Variants in KCNH7 observed in about 807,000 individuals in gnomAD.
The protein encoded by KCNH7 is potassium voltage-gated channel subfamily H member 7.
In KCNH7, 49 loss-of-function variants were observed where a neutral mutation model predicts 120.8. The observed-to-expected ratio is 0.41, with a 90% CI of 0.32 to 0.51. The LOEUF (loss-of-function observed/expected upper bound fraction) is 0.51. KCNH7 is among the 20% of genes least tolerant of loss of function. KCNH7 has a pLI of 0.38. For missense variants in KCNH7, 1,097 were observed against 1,446.6 expected (o/e 0.76, Z 3.92); for synonymous variants, 547 against 516.1 (o/e 1.06, Z -0.81).
chr2:162,489,813 C>G (rs984106963), intron 6 of KCNH7, among the ~76,000 whole-genome samples: 1 of 152,080 alleles, frequency 6.6e-6, no homozygotes, highest in African/African-American at 2.4e-5. Context: ...TTTGCTGAAC[C>G]AAGCTTGCTG....
At chr2:162,508,409 A>G (rs147618729) in intron 5 of KCNH7, among the ~76,000 whole-genome samples, 308 of 151,496 alleles carry the variant, frequency 2.0e-3, no homozygotes, top group African/African-American at 7.2e-3. Context: ...CAAAACTTAA[A>G]ATATTACTTA....
intron 13 of KCNH7, 88 bp downstream of exon 13, chr2:162,384,598 CAT>C (rs1309375862): frequency 4.6e-5 from 55 of 1,195,540 alleles, no homozygotes; most frequent in Non-Finnish European, 5.7e-5. Context: ...ATTAGATTAA[CAT>C]GTGTCAGTAC....
At chr2:162,634,274 T>C (rs1683871010) in intron 2 of KCNH7, among the ~76,000 whole-genome samples, 2 of 152,172 alleles carry the variant, frequency 1.3e-5, no homozygotes, top group Admixed American at 1.3e-4. Context: ...TATGAAAATA[T>C]AGGTAACACA....
chr2:162,695,330 G>C (rs1487034132), intron 2 of KCNH7, among the ~76,000 whole-genome samples: 1 of 152,078 alleles, frequency 6.6e-6, no homozygotes, highest in Non-Finnish European at 1.5e-5. Context: ...AGGGAGGGTG[G>C]TGATGGTTGC....
intron 2 of KCNH7, among the ~76,000 whole-genome samples, chr2:162,618,755 G>A (rs1018248251): frequency 9.2e-5 from 14 of 152,094 alleles, no homozygotes; most frequent in African/African-American, 3.4e-4. Flanking sequence ...AAATGTCTCT[G>A]ATTTTCGATA....
At chr2:162,456,218 T>G (rs1353332107) in intron 6 of KCNH7, among the ~76,000 whole-genome samples, 1 of 152,148 alleles carries the variant, frequency 6.6e-6, no homozygotes, top group African/African-American at 2.4e-5. Context: ...CAGGAGCAGG[T>G]TGTTCAATTT....
chr2:162,546,776 G>C (rs1374395382), intron 2 of KCNH7, among the ~76,000 whole-genome samples: 2 of 151,984 alleles, frequency 1.3e-5, no homozygotes, highest in Admixed American at 1.3e-4. Context: ...GAATGGGTTA[G>C]GTACTACTGT....
At chr2:162,663,258 C>T (rs564266775) in intron 2 of KCNH7, among the ~76,000 whole-genome samples, 1 of 152,324 alleles carries the variant, frequency 6.6e-6, no homozygotes, top group African/African-American at 2.4e-5. Context: ...TTTTAAGACA[C>T]TGTATCCTGT....
chr2:162,728,299 C>G (rs542690390), intron 2 of KCNH7, among the ~76,000 whole-genome samples: 1 of 152,022 alleles, frequency 6.6e-6, no homozygotes, highest in South Asian at 2.1e-4. Flanking sequence ...TTGTATTCTT[C>G]TTTGGTGAAA....
At chr2:162,505,628 C>T (rs937318185) in intron 5 of KCNH7, among the ~76,000 whole-genome samples, 4 of 151,764 alleles carry the variant, frequency 2.6e-5, no homozygotes, top group Admixed American at 6.6e-5. Context: ...AGAAGTATCT[C>T]GTGTAATGAG....
chr2:162,395,850 TA>T (rs757169979), intron 11 of KCNH7, among the ~76,000 whole-genome samples: 21 of 151,718 alleles, frequency 1.4e-4, no homozygotes, highest in Non-Finnish European at 2.5e-4. Context: ...GTGTTAAATC[TA>T]CCCCCTCTTA....
chr2:162,756,066 T>C (rs1688778430), intron 2 of KCNH7, among the ~76,000 whole-genome samples: 2 of 152,312 alleles, frequency 1.3e-5, no homozygotes, highest in South Asian at 4.1e-4. Context: ...TAAAATTCTG[T>C]TTTTGAGTTT....
intron 6 of KCNH7, among the ~76,000 whole-genome samples, chr2:162,492,640 C>T (rs893558260): frequency 2.0e-5 from 3 of 152,086 alleles, no homozygotes; most frequent in African/African-American, 7.2e-5. Flanking sequence ...ACACCTTGAA[C>T]ACTAAGGTTA....
chr2:162,715,341 G>A lies in KCNH7; in HGVS notation c.307+121196C>T, dbSNP rs865811264. 9.9e-5 allele frequency among the ~76,000 whole-genome samples: 15 copies of A among 152,200 alleles called. No homozygotes were observed. The South Asian group carries it at 2.1e-3, about 21-fold the overall frequency. ...AGATCTTGAGAGAGCTCACTGTCAC[G>A]AAGACAGTACCAATCTATAAGCGAC... On this transcript the variant is annotated intron_variant, in intron 2 of 15. Coordinates refer to ENST00000332142, the MANE Select transcript of KCNH7 (RefSeq NM_033272.4).
chr2:162,755,591 G>A (rs188745807), intron 2 of KCNH7, among the ~76,000 whole-genome samples: 117 of 152,240 alleles, frequency 7.7e-4, no homozygotes, highest in African/African-American at 2.8e-3. Context: ...GTGACACTGT[G>A]TGATCGTGGG....
intron 2 of KCNH7, among the ~76,000 whole-genome samples, chr2:162,818,863 A>G (rs1477141088): frequency 6.6e-6 from 1 of 152,090 alleles, no homozygotes; most frequent in Non-Finnish European, 1.5e-5. Flanking sequence ...ACCAAAGTTA[A>G]CCCCACCAAT....
At chr2:162,812,825 A>G (rs140131918) in intron 2 of KCNH7, among the ~76,000 whole-genome samples, 86 of 152,262 alleles carry the variant, frequency 5.6e-4, no homozygotes, top group African/African-American at 2.0e-3. Flanking sequence ...TGCGTTATCA[A>G]GAAAGCTAAG....
chr2:162,506,735 C>G (rs1324631807), intron 5 of KCNH7, among the ~76,000 whole-genome samples: 1 of 151,768 alleles, frequency 6.6e-6, no homozygotes, highest in African/African-American at 2.4e-5. Context: ...TGTTAATAGA[C>G]AGAAAGACAC....
chr2:162,384,920 A>G lies in KCNH7; in HGVS notation c.2730T>C (p.Pro910=). Residue 910 remains proline, a synonymous_variant, in exon 13 of 16, where the codon CCT becomes CCC. Coordinates refer to ENST00000332142, the MANE Select transcript of KCNH7 (RefSeq NM_033272.4). ...EGEKENSTND[P]EDSADTIRHY... is the part of the protein sequence containing the mutation. Reference sequence around the variant, plus strand: ...GTCTTATGGTATCTGCAGAGTCTTCAGGATCATTTGTACTGTTTTCTTTGC... The same window carrying G: ...GTCTTATGGTATCTGCAGAGTCTTCGGGATCATTTGTACTGTTTTCTTTGC... 6.2e-7 allele frequency: 1 copy of G among 1,609,068 alleles called. No individual in the cohort carries two copies. Among genetic ancestry groups the G allele is most frequent in the Non-Finnish European group, 8.5e-7 (1 of 1,177,512 alleles).
Sources: gnomAD v4.1 joint callset for allele counts (sites outside exome capture counted in the v4.1 genomes callset) on GRCh38, gnomAD v4.1.1 for gene constraint, MANE v1.5 for transcripts, NCBI Gene and HGNC (gene_info 2026-07-23, HGNC 2026-07-21) for gene names.